The following NCAPG2 variants were observed in gnomAD, a reference collection of about 807,000 sequenced individuals.
NCAPG2 encodes condensin-2 complex subunit G2.
Under a neutral mutation model 141.1 loss-of-function variants are expected in NCAPG2, and 53 were observed. That is an observed-to-expected ratio of 0.38 (90% CI 0.30 to 0.47). The LOEUF is 0.47. Ranked by LOEUF, NCAPG2 falls within the 20% of genes least tolerant of loss-of-function variation. NCAPG2 has a pLI of 0.99. For synonymous variants in NCAPG2, 499 were observed against 490.7 expected, an observed-to-expected ratio of 1.02 and a Z score of -0.22; for missense variants, 1,087 against 1,389.0, an observed-to-expected ratio of 0.78 and a Z score of 3.46.
At chr7:158,636,494 C>T (rs543710933) in intron 27 of NCAPG2, among the ~76,000 whole-genome samples, 13 of 151,464 alleles carry the variant, frequency 8.6e-5, no homozygotes, top group South Asian at 2.1e-4. Flanking sequence ...CTCTGCCTTC[C>T]GGGTTCAAGT....
intron 10 of NCAPG2, 123 bp downstream of exon 10, chr7:158,680,598 C>T: frequency 1.8e-6 from 1 of 546,782 alleles, no homozygotes; most frequent in South Asian, 6.6e-5. Context: ...TCAAAAATTT[C>T]AGAAAGCATT....
intron 13 of NCAPG2, among the ~76,000 whole-genome samples, chr7:158,667,805 C>T (rs1329079550): frequency 1.5e-5 from 1 of 65,130 alleles, no homozygotes; most frequent in South Asian, 6.8e-4. Context: ...TGGGTCCCTC[C>T]GCCCTCCTTA....
In NCAPG2 at chr7:158,645,733, G is replaced by A. The variant is rs932943543; in HGVS notation, c.3180-114C>T. ...CCACAAACCCCAGTTTGCAGGGGACGTGGGAAGGTGACTGAACTCACCCCA... is the reference window on the plus strand; with the variant it reads ...CCACAAACCCCAGTTTGCAGGGGACATGGGAAGGTGACTGAACTCACCCCA... On this transcript the variant is annotated intron_variant, in intron 25 of 27. Coordinates refer to ENST00000356309, the MANE Select transcript of NCAPG2 (RefSeq NM_017760.7). The A allele has an allele frequency of 1.8e-5, 16 of 879,246 alleles. No homozygotes were observed. The Admixed American group carries it at 2.3e-4, about 13-fold the overall frequency. 54.5% of individuals were successfully genotyped at this position (879,246 alleles called of 1,614,324 possible).
At chr7:158,656,204 G>C (rs557130231) in intron 19 of NCAPG2, 56 bp downstream of exon 19, 132 of 1,565,502 alleles carry the variant, frequency 8.4e-5, no homozygotes, top group African/African-American at 2.9e-4. Context: ...TTCACACTTT[G>C]ATTTGTCACC....
intron 2 of NCAPG2, among the ~76,000 whole-genome samples, chr7:158,701,465 A>T (rs561390725): frequency 6.6e-6 from 1 of 152,178 alleles, no homozygotes; most frequent in African/African-American, 2.4e-5. Flanking sequence ...TGAATTCCTT[A>T]AAATGGTAAA....
In NCAPG2 at chr7:158,664,231, G is replaced by A. The variant is rs773537661; in HGVS notation, c.1768C>T (p.Pro590Ser). 20 of 1,613,864 alleles carry A rather than the reference G, an allele frequency of 1.2e-5. No individual in the cohort carries two copies. The South Asian group carries it at 2.2e-4, about 18-fold the overall frequency. Reference sequence around the variant, plus strand: ...CCGTCCTCTTCCTCCTCGTCCTCTGGAGGCTCTCTCACTGCCCTCTGGATA... The same window carrying A: ...CCGTCCTCTTCCTCCTCGTCCTCTGAAGGCTCTCTCACTGCCCTCTGGATA... ...ACIQRAVREP[P>S]EDEEEEDGRE... is the part of the protein sequence containing the mutation. Residue 590 changes from proline to serine, a missense_variant, in exon 15 of 28, where the codon CCA (proline) becomes TCA (serine). Physicochemically the swap from Pro to Ser is moderately conservative, Grantham distance 74. Transcript: ENST00000356309.
intron 16 of NCAPG2, among the ~76,000 whole-genome samples, chr7:158,660,198 G>A (rs1832371872): frequency 6.6e-6 from 1 of 151,940 alleles, no homozygotes; most frequent in East Asian, 1.9e-4. Flanking sequence ...TTTACTTAGA[G>A]AAGGAAGCAA....
chr7:158,652,076 T>G (rs1262303207), intron 23 of NCAPG2, among the ~76,000 whole-genome samples: 1 of 152,118 alleles, frequency 6.6e-6, no homozygotes. Flanking sequence ...CTCCAGCCCA[T>G]GCACAGGGGT....
chr7:158,660,128 A>T (rs1039092425), intron 16 of NCAPG2, among the ~76,000 whole-genome samples: 1 of 152,048 alleles, frequency 6.6e-6, no homozygotes, highest in African/African-American at 2.4e-5. Flanking sequence ...TATCTCGTTA[A>T]TGTTACAAGT....
intron 27 of NCAPG2, among the ~76,000 whole-genome samples, chr7:158,637,307 T>C (rs1188935284): frequency 6.6e-6 from 1 of 152,162 alleles, no homozygotes; most frequent in Admixed American, 6.5e-5. Flanking sequence ...ATAAAGTACA[T>C]AATTGAATGC....
chr7:158,632,066 C>G (rs1042752960), intron 27 of NCAPG2, among the ~76,000 whole-genome samples: 1 of 152,050 alleles, frequency 6.6e-6, no homozygotes, highest in Non-Finnish European at 1.5e-5. Context: ...TTCTCTATTA[C>G]ACAAGAAAAC....
chr7:158,697,990 A>G (rs1005934123), intron 2 of NCAPG2, among the ~76,000 whole-genome samples: 37 of 152,186 alleles, frequency 2.4e-4, no homozygotes, highest in Middle Eastern at 3.2e-3. Context: ...ATATAACTAA[A>G]TAACTAAAAA....
At chr7:158,656,734 G>C (rs1210704235) in intron 17 of NCAPG2, 29 bp from the exon 18 acceptor site, 1 of 1,607,152 alleles carries the variant, frequency 6.2e-7, no homozygotes, top group Non-Finnish European at 8.5e-7. Flanking sequence ...AAATCGGACT[G>C]AGTATTTCAA....
At position 158,633,842 on chromosome 7, in the gene NCAPG2, TCGGG is replaced by T. The variant is rs1830028620; in HGVS notation, c.3381-2129_3381-2126del. On this transcript the variant is annotated intron_variant, in intron 27 of 27. Coordinates refer to ENST00000356309, the MANE Select transcript of NCAPG2 (RefSeq NM_017760.7). This position sits in a 1 kb window ranked among gnomAD's most constrained non-coding sequence, Gnocchi z 4.1. ...CACAGCTCACTGCAGCCTTGACCTCTCGGGCTCAAGCAATCCTCCCAGCTCACCC... is the reference window on the plus strand; with the variant it reads ...CACAGCTCACTGCAGCCTTGACCTCTCTCAAGCAATCCTCCCAGCTCACCC... 6.6e-6 allele frequency among the ~76,000 whole-genome samples: 1 copy of T among 152,004 alleles called. No individual in the cohort carries two copies. Among genetic ancestry groups the T allele is most frequent in the Non-Finnish European group, 1.5e-5 (1 of 67,978 alleles).
In NCAPG2 at chr7:158,680,088, A is replaced by G. The variant is rs183492010; in HGVS notation, c.1021-3T>C. 1 of 1,613,172 alleles carries G rather than the reference A, an allele frequency of 6.2e-7. No homozygotes were observed. The highest frequency in any genetic ancestry group is 2.2e-5 in the East Asian group (1 of 44,886). On this transcript the variant is annotated splice_region_variant and splice_polypyrimidine_tract_variant and intron_variant, in intron 10 of 27. Transcript: ENST00000356309. ...GATCGAACTTCAGAGTTTCTGGCCT[A>G]TAATAATAAAAGAAGAGTATCTCAG...
At chr7:158,668,821 G>C (rs536822419) in intron 13 of NCAPG2, among the ~76,000 whole-genome samples, 2 of 152,112 alleles carry the variant, frequency 1.3e-5, no homozygotes, top group Admixed American at 6.5e-5. Context: ...TGTTAAATTG[G>C]TAGACATGTG....
chr7:158,672,310 ATATATATATATATATATATTTTTTT>A (rs1833764608), intron 12 of NCAPG2, among the ~76,000 whole-genome samples: 51 of 41,494 alleles, frequency 1.2e-3, no homozygotes, highest in African/African-American at 3.5e-3. Context: ...ATATATATAT[ATATATATATATATATATATTTTTTT>A]TTTTTTTTTT....
chr7:158,634,925 G>T (rs769356874), intron 27 of NCAPG2, among the ~76,000 whole-genome samples: 9 of 152,296 alleles, frequency 5.9e-5, no homozygotes, highest in Admixed American at 1.3e-4. Context: ...CCTGGGCCAG[G>T]GTTCTCCTGA....
chr7:158,677,525 C>CAAAAAAAAAAAAAAAAAAAAGAAA (rs1834144306), intron 11 of NCAPG2, among the ~76,000 whole-genome samples: 1 of 90,404 alleles, frequency 1.1e-5, no homozygotes, highest in African/African-American at 4.6e-5. Flanking sequence ...AAAAATAAAG[C>CAAAAAAAAAAAAAAAAAAAAGAAA]AAAAAAAAAA....
Sources: gnomAD v4.1 joint callset for allele counts (sites outside exome capture counted in the v4.1 genomes callset) on GRCh38, gnomAD v4.1.1 for gene constraint, Gnocchi (gnomAD v3.1) non-coding constraint, MANE v1.5 for transcripts, NCBI Gene and HGNC (gene_info 2026-07-23, HGNC 2026-07-21) for gene names.